EXOC3L4: variants seen among roughly 807,000 people sequenced by gnomAD.
EXOC3L4 encodes exocyst complex component 3-like protein 4.
Under a neutral mutation model 69.7 loss-of-function variants are expected in EXOC3L4, and 62 were observed. The ratio of observed to expected loss-of-function variants is 0.89; its 90% CI spans 0.72 to 1.10. The LOEUF is 1.10. Ranked by LOEUF, EXOC3L4 falls within the 50% of genes least tolerant of loss-of-function variation. The pLI is 0.00. For synonymous variants in EXOC3L4, 502 were observed against 464.2 expected, an observed-to-expected ratio of 1.08 and a Z score of -1.05; for missense variants, 1,087 against 1,034.8, an observed-to-expected ratio of 1.05 and a Z score of -0.69.
intron 7 of EXOC3L4, among the ~76,000 whole-genome samples, chr14:103,105,780 C>T (rs1328928759): frequency 7.9e-5 from 12 of 152,180 alleles, no homozygotes; most frequent in Admixed American, 6.5e-5. Context: ...TCAGCAGATG[C>T]GGCAGCGCCA....
Position 103,104,580 on chromosome 14 carries a change from T to G in EXOC3L4, c.1285-158T>G, listed in dbSNP as rs574592491. The G allele has an allele frequency of 7.1e-4, 873 of 1,231,642 alleles. 6 individuals are homozygous for G. The East Asian group carries it at 1.0e-2, about 14-fold the overall frequency. 76.3% of individuals were successfully genotyped at this position (1,231,642 alleles called of 1,614,324 possible). ...GCAGGGAGGCTGCTGGATGGGAGTT[T>G]GCGGGAGTTGACTCTCCAGTTGGGC... On this transcript the variant is annotated intron_variant, in intron 5 of 11. Transcript: ENST00000688303.
At position 103,102,755 on chromosome 14, in the gene EXOC3L4, C is replaced by T; in HGVS notation, c.1032C>T (p.Ala344=). Reference sequence around the variant, plus strand: ...AGCTCTATATCCTGCTGGACTGGGCCGCCAACGTCTACGGCAGGTGAGTCT... The same window carrying T: ...AGCTCTATATCCTGCTGGACTGGGCTGCCAACGTCTACGGCAGGTGAGTCT... The part of the protein sequence containing the change: ...CEQLYILLDW[A]ANVYGSPDFL... The change falls in exon 3 of 12, where the codon GCC becomes GCT. Residue 344 remains alanine, a synonymous_variant. Coordinates refer to ENST00000688303, the MANE Select transcript of EXOC3L4 (RefSeq NM_001077594.2). 7.3e-7 allele frequency: 1 copy of T among 1,367,004 alleles called. No individual in the cohort carries two copies. Among genetic ancestry groups the T allele is most frequent in the South Asian group, 1.7e-5 (1 of 58,450 alleles). The allele number at this position is 1,367,004 out of a possible 1,614,324, so 84.7% of individuals were successfully genotyped here.
At position 103,104,274 on chromosome 14, in the gene EXOC3L4, T is replaced by A; in HGVS notation, c.1169T>A (p.Ile390Asn). The stretch of plus-strand genomic sequence containing the variant: ...CATCCCTTCTCCCCCCAGGCCAAGA[T>A]CGCAAGCTGCTTCGACAGCATCTTG... ...SDYTSFLEAK[I>N]ASCFDSILQL... is the part of the protein sequence containing the mutation. Residue 390 changes from isoleucine to asparagine, a missense_variant, in exon 5 of 12, where the codon ATC (isoleucine) becomes AAC (asparagine). Transcript: ENST00000688303. The A allele has an allele frequency of 6.3e-7, 1 of 1,590,184 alleles. No individual in the cohort carries two copies. Among genetic ancestry groups the A allele is most frequent in the South Asian group, 1.1e-5 (1 of 87,310 alleles).
rs1218533563 is a variant in EXOC3L4 at position 103,107,634 on chromosome 14, ACT to A, written c.1708_1709del (p.Leu570AlafsTer64). 1.3e-6 allele frequency: 2 copies of A among 1,591,088 alleles called. No homozygotes were observed. The highest frequency in any genetic ancestry group is 1.7e-6 in the Non-Finnish European group (2 of 1,167,562). ...QRVARPRAQE[T>X]LQEVHRFVVR... ...ACCCTGACCCTGGGCCGCCCAGGAG[ACT>A]CTGCAGGAGGTGCACCGGTTCGTGG... On this transcript the variant is annotated frameshift_variant, in exon 10 of 12. Coordinates refer to ENST00000688303, the MANE Select transcript of EXOC3L4 (RefSeq NM_001077594.2). LOFTEE classifies it high-confidence loss of function.
rs533063391 is a variant in EXOC3L4, at chr14:103,100,963, C to T, written c.394+350C>T. On this transcript the variant is annotated intron_variant, in intron 2 of 11. Coordinates refer to ENST00000688303, the MANE Select transcript of EXOC3L4 (RefSeq NM_001077594.2). The stretch of plus-strand genomic sequence containing the variant: ...TATCACCCAGGCTGGAGTGCAGTGA[C>T]GCAATCTTGGCTCACTGCAACCTCC... Among the ~76,000 whole-genome samples the T allele has an allele frequency of 8.8e-5, 13 of 148,122 alleles. No homozygotes were observed. In the East Asian group the frequency reaches 1.0e-3, roughly 11 times the overall value.
In EXOC3L4 at chr14:103,103,787, GGCGC is replaced by G. The variant is rs142839498; in HGVS notation, c.1050-146_1050-143del. On this transcript the variant is annotated intron_variant, in intron 3 of 11. Coordinates refer to ENST00000688303, the MANE Select transcript of EXOC3L4 (RefSeq NM_001077594.2). ...AGGGGGTGTGGCATGGCAGCCTAGA[GGCGC>G]GCGCGCGTGTGTGTGTGTGTGTGTG... 559 of 481,018 alleles carry G rather than the reference GGCGC, an allele frequency of 1.2e-3. 3 individuals are homozygous for G. The highest frequency in any genetic ancestry group is 2.3e-3 in the South Asian group (83 of 36,200). 29.8% of individuals were successfully genotyped at this position (481,018 alleles called of 1,614,324 possible).
Position 103,108,524 on chromosome 14 carries a change from AC to A in EXOC3L4, c.1976+11del, listed in dbSNP as rs1890714181. On this transcript the variant is annotated splice_region_variant and intron_variant, in intron 11 of 11. Coordinates refer to ENST00000688303, the MANE Select transcript of EXOC3L4 (RefSeq NM_001077594.2). ...GGAGCTACCCCGACATCAGGTGTGT[AC>A]CCCACCTGCTTCCACTAGCTTCCTA... is the stretch of plus-strand genomic sequence containing the variant. 1 of 1,611,676 alleles carries A rather than the reference AC, an allele frequency of 6.2e-7. No homozygotes were observed. The highest frequency in any genetic ancestry group is 8.5e-7 in the Non-Finnish European group (1 of 1,178,616).
At chr14:103,103,663 C>A (rs1566949389) in intron 3 of EXOC3L4, 4 of 427,428 alleles carry the variant, frequency 9.4e-6, no homozygotes, top group Non-Finnish European at 1.7e-5. Flanking sequence ...GTGGCCGATT[C>A]CTGAGCTGTG....
At chr14:103,107,333 A>C in intron 8 of EXOC3L4, 91 bp from the exon 9 acceptor site, 1 of 1,531,954 alleles carries the variant, frequency 6.5e-7, no homozygotes. Context: ...CCAGGAGGGA[A>C]GGGGTCAGGA....
Position 103,102,237 on chromosome 14 carries a change from C to G in EXOC3L4, c.514C>G (p.Pro172Ala), listed in dbSNP as rs750717067. The G allele has an allele frequency of 2.5e-6, 4 of 1,590,430 alleles. No homozygotes were observed. Among genetic ancestry groups the G allele is most frequent in the Admixed American group, 1.8e-5 (1 of 57,128 alleles). The stretch of plus-strand genomic sequence containing the variant: ...GGCCTCGCGCACCTTTGAGCAGGAC[C>G]CTACGGCCTTCGCGCGGCGCGCTAT... ...EKASRTFEQD[P>A]TAFARRAMDV... The change falls in exon 3 of 12, where the codon CCT becomes GCT. Residue 172 changes from proline to alanine, a missense_variant. Pro to Ala is a conservative substitution (Grantham distance 27). Transcript: ENST00000688303.
intron 8 of EXOC3L4, 89 bp downstream of exon 8, chr14:103,106,988 C>A (rs1327272646): frequency 8.2e-6 from 9 of 1,100,630 alleles, no homozygotes; most frequent in Non-Finnish European, 1.2e-5. Flanking sequence ...TCACAGCATT[C>A]ATTTATTCCA....
intron 4 of EXOC3L4, 25 bp from the exon 5 acceptor site, chr14:103,104,242 C>T: frequency 6.4e-7 from 1 of 1,554,262 alleles, no homozygotes; most frequent in Non-Finnish European, 8.7e-7. Context: ...AGGGTCTCAC[C>T]ACGGCCCATC....
At chr14:103,104,657 G>A in intron 5 of EXOC3L4, 81 bp from the exon 6 acceptor site, 1 of 774,436 alleles carries the variant, frequency 1.3e-6, no homozygotes, top group East Asian at 4.9e-5. Flanking sequence ...GCGGGCTGGA[G>A]GCGCAGCGGG....
At chr14:103,108,308 T>G in intron 10 of EXOC3L4, 88 bp from the exon 11 acceptor site, 4 of 1,538,630 alleles carry the variant, frequency 2.6e-6, no homozygotes, top group Non-Finnish European at 3.5e-6. Flanking sequence ...GCGGGAGGGC[T>G]GACCTCGCAC....
rs1890395638 is a variant in EXOC3L4 at position 103,104,207 on chromosome 14, C to T, written c.1162-60C>T. 6.7e-6 allele frequency: 10 copies of T among 1,482,682 alleles called. No homozygotes were observed. In the East Asian group the frequency reaches 1.5e-4, roughly 23 times the overall value. 91.8% of individuals were successfully genotyped at this position (1,482,682 alleles called of 1,614,324 possible). A position where few individuals can be genotyped will look rare whatever the true frequency, so the allele number is the denominator to read the frequency against. On this transcript the variant is annotated intron_variant, in intron 4 of 11. Transcript: ENST00000688303. ...TGACCCGACAGGGCGGCCCTCATCC[C>T]GGACGGCGCGGGACGGGGTCTGGGA...
rs760877869 is a variant in EXOC3L4, at chr14:103,107,500, C to A, written c.1658C>A (p.Thr553Asn). Reference sequence around the variant, plus strand: ...CATCCCCTCATGGACAAGGTGGTGACCTTCGCCGGTCATCTCCAGCGTGTG... The same window carrying A: ...CATCCCCTCATGGACAAGGTGGTGAACTTCGCCGGTCATCTCCAGCGTGTG... Reference protein sequence around the residue: ...WLHPLMDKVVTFAGHLQRVAR... With the variant: ...WLHPLMDKVVNFAGHLQRVAR... Residue 553 changes from threonine to asparagine, a missense_variant, in exon 9 of 12, where the codon ACC becomes AAC. Coordinates refer to ENST00000688303, the MANE Select transcript of EXOC3L4 (RefSeq NM_001077594.2). The A allele has an allele frequency of 6.2e-7, 1 of 1,613,790 alleles. No individual in the cohort carries two copies.
In EXOC3L4 at chr14:103,097,612, G is replaced by C. The variant is rs573560281; in HGVS notation, c.-16-2592G>C. On this transcript the variant is annotated intron_variant, in intron 1 of 11. Transcript: ENST00000688303. This position sits in a 1 kb window ranked among gnomAD's most constrained non-coding sequence, Gnocchi z 4.9. ...TCCAGGCTGTGCTCAGGGGTGACCG[G>C]GGTAGATGGACAGAGGCTGCCAGCC... 2.6e-5 allele frequency among the ~76,000 whole-genome samples: 4 copies of C among 152,330 alleles called. No individual in the cohort carries two copies. In the East Asian group the frequency reaches 5.8e-4, roughly 22 times the overall value.
rs779525762 is a variant in EXOC3L4 at position 103,102,155 on chromosome 14, A to C, written c.432A>C (p.Gln144His). Residue 144 changes from glutamine (Q) to histidine (H), a missense_variant, in exon 3 of 12, where the codon CAA becomes CAC. Transcript: ENST00000688303. ...TGGCCGACCTCATTACTGAACGGCA[A>C]CTGCTGGCGGCCTTCGAACAGCTTC... ...KSVADLITER[Q>H]LLAAFEQLLR... is the part of the protein sequence containing the mutation. The C allele has an allele frequency of 2.5e-6, 4 of 1,605,960 alleles. No homozygotes were observed. The highest frequency in any genetic ancestry group is 3.4e-6 in the Non-Finnish European group (4 of 1,176,828).
In EXOC3L4 at chr14:103,107,737, A is replaced by G. The variant is rs563328641; in HGVS notation, c.1808A>G (p.Lys603Arg). 1.4e-5 allele frequency: 21 copies of G among 1,547,724 alleles called. No individual in the cohort carries two copies. In the African/African-American group the frequency reaches 2.6e-4, roughly 19 times the overall value. Residue 603 changes from lysine (K) to arginine (R), a missense_variant, in exon 10 of 12, where the codon AAG (lysine) becomes AGG (arginine). Physicochemically the swap from Lys to Arg is conservative, Grantham distance 26. Coordinates refer to ENST00000688303, the MANE Select transcript of EXOC3L4 (RefSeq NM_001077594.2). The stretch of plus-strand genomic sequence containing the variant: ...ATGGAGCGCATGCATGGCTCCCAGA[A>G]GATGAGCCTGGATGCCCAGGCCATC... ...RGMERMHGSQKMSLDAQAISD... is the reference protein window; with the variant it reads ...RGMERMHGSQRMSLDAQAISD...
Sources: gnomAD v4.1 joint callset for allele counts (sites outside exome capture counted in the v4.1 genomes callset) on GRCh38, gnomAD v4.1.1 for gene constraint, Gnocchi (gnomAD v3.1) non-coding constraint, MANE v1.5 for transcripts, NCBI Gene and HGNC (gene_info 2026-07-23, HGNC 2026-07-21) for gene names.